Variants in XPR1 observed in about 807,000 individuals in gnomAD.
XPR1 encodes solute carrier family 53 member 1.
A neutral mutation model predicts 87.5 loss-of-function variants in XPR1; 28 were observed. The ratio of observed to expected loss-of-function variants is 0.32; its 90% CI spans 0.24 to 0.44. The LOEUF is 0.44. Among genes scored for constraint, XPR1 ranks in the 20% least tolerant of loss-of-function variants. XPR1 has a pLI of 1.00. For synonymous variants in XPR1, 300 were observed against 306.1 expected, an observed-to-expected ratio of 0.98 and a Z score of 0.21; for missense variants, 559 against 862.3, an observed-to-expected ratio of 0.65 and a Z score of 4.41.
At chr1:180,719,899 A>G (rs2101995688) in intron 2 of XPR1, among the ~76,000 whole-genome samples, 1 of 152,344 alleles carries the variant, frequency 6.6e-6, no homozygotes, top group African/African-American at 2.4e-5. Context: ...CTGGACTTAT[A>G]ACAGGATCTG....
intron 2 of XPR1, among the ~76,000 whole-genome samples, chr1:180,710,301 A>C (rs1221985988): frequency 1.3e-5 from 2 of 151,474 alleles, no homozygotes; most frequent in Non-Finnish European, 2.9e-5. Context: ...TCAGCAGATA[A>C]ACAAGTGAAC....
Position 180,836,547 on chromosome 1 carries a change from A to G in XPR1, c.1332A>G (p.Thr444=). 6.2e-7 allele frequency: 1 copy of G among 1,614,154 alleles called. No homozygotes were observed. The change falls in exon 11 of 15, where the codon ACA becomes ACG. Residue 444 remains threonine (T), a synonymous_variant. Transcript: ENST00000367590. ...AATCAGGAATTTGCCACAAATATAC[A>G]TATGGTGTGCGGGCCATTGTTCAGT... ...SEESGICHKY[T]YGVRAIVQCI... is the part of the protein sequence containing the mutation.
chr1:180,769,151 A>T (rs1201343315), intron 2 of XPR1, among the ~76,000 whole-genome samples: 1 of 152,032 alleles, frequency 6.6e-6, no homozygotes, highest in Non-Finnish European at 1.5e-5. Context: ...GTATATAGTT[A>T]TAGGGTACAT....
At chr1:180,741,134 G>GATCC (rs1042654874) in intron 2 of XPR1, among the ~76,000 whole-genome samples, 26 of 152,010 alleles carry the variant, frequency 1.7e-4, no homozygotes, top group African/African-American at 6.0e-4. Flanking sequence ...AATGTTGGTT[G>GATCC]ATCCCCTCCT....
intron 11 of XPR1, among the ~76,000 whole-genome samples, chr1:180,862,891 G>T (rs1411044446): frequency 6.6e-6 from 1 of 152,042 alleles, no homozygotes; most frequent in Non-Finnish European, 1.5e-5. Context: ...AGCACACCTA[G>T]AGACATTTCA....
At chr1:180,733,954 G>GT (rs1311980281) in intron 2 of XPR1, among the ~76,000 whole-genome samples, 3 of 152,150 alleles carry the variant, frequency 2.0e-5, no homozygotes, top group East Asian at 1.9e-4. Context: ...TTTAATTTTC[G>GT]TAACAATCCT....
Position 180,632,168 on chromosome 1 carries a change from T to G in XPR1, c.-34T>G. The G allele has an allele frequency of 6.3e-7, 1 of 1,591,846 alleles. No homozygotes were observed. The highest frequency in any genetic ancestry group is 8.5e-7 in the Non-Finnish European group (1 of 1,169,682). The stretch of plus-strand genomic sequence containing the variant: ...TGTTGCCGCCGCCGCCTGTAGCTGC[T>G]GGACCCGAGTGGGAGTGAGGGGGAA... On this transcript the variant is annotated 5_prime_UTR_variant, in exon 1 of 15. Transcript: ENST00000367590.
intron 3 of XPR1, among the ~76,000 whole-genome samples, chr1:180,798,136 A>T (rs777353233): frequency 1.3e-5 from 2 of 152,136 alleles, no homozygotes; most frequent in Non-Finnish European, 2.9e-5. Flanking sequence ...TACATAAAAA[A>T]TACAAAATTA....
intron 2 of XPR1, among the ~76,000 whole-genome samples, chr1:180,752,857 G>C (rs1557989981): frequency 2.0e-5 from 3 of 151,952 alleles, no homozygotes; most frequent in South Asian, 4.2e-4. Context: ...ATAAAGGTCA[G>C]GTTATTGATA....
chr1:180,757,422 CAG>C (rs1647789929), intron 2 of XPR1, among the ~76,000 whole-genome samples: 1 of 150,352 alleles, frequency 6.7e-6, no homozygotes, highest in Non-Finnish European at 1.5e-5. Context: ...TTGAATACAT[CAG>C]AAAAAAACTA....
intron 2 of XPR1, among the ~76,000 whole-genome samples, chr1:180,756,677 CAT>C (rs1192396717): frequency 6.6e-6 from 1 of 151,962 alleles, no homozygotes; most frequent in Admixed American, 6.6e-5. Flanking sequence ...CTTTTAATGT[CAT>C]ATGTAAGAGA....
chr1:180,810,504 G>C (rs1650168388), intron 6 of XPR1, among the ~76,000 whole-genome samples: 2 of 151,936 alleles, frequency 1.3e-5, no homozygotes, highest in Admixed American at 1.3e-4. Flanking sequence ...ACTTGAGTCT[G>C]GGAAGTTGAG....
In XPR1 at chr1:180,834,868, T is replaced by G; in HGVS notation, c.1135-6T>G. The G allele has an allele frequency of 6.3e-7, 1 of 1,588,468 alleles. No homozygotes were observed. The highest frequency in any genetic ancestry group is 1.9e-5 in the Admixed American group (1 of 53,454). ...TCTGTGTTTTCTGATTTTTTTTTTC[T>G]TTCAGTTTCGAGTATTTACAGCCCC... On this transcript the variant is annotated splice_polypyrimidine_tract_variant and splice_region_variant and intron_variant, in intron 9 of 14. Coordinates refer to ENST00000367590, the MANE Select transcript of XPR1 (RefSeq NM_004736.4).
intron 2 of XPR1, among the ~76,000 whole-genome samples, chr1:180,694,008 A>T (rs1371321787): frequency 6.6e-6 from 1 of 152,158 alleles, no homozygotes; most frequent in Non-Finnish European, 1.5e-5. Flanking sequence ...TCTAGGCTGT[A>T]GTGCAGTGGC....
In XPR1 at chr1:180,887,283, G is replaced by A. The variant is rs1653045020; in HGVS notation, c.*3217G>A. The stretch of plus-strand genomic sequence containing the variant: ...GTTTAGAAATTCTAGTTTTATTTTG[G>A]AGAATCACTCAGTTTTTAATATCAA... On this transcript the variant is annotated 3_prime_UTR_variant, in exon 15 of 15. Transcript: ENST00000367590. 6.6e-6 allele frequency: 1 copy of A among 152,180 alleles called. No individual in the cohort carries two copies. Among genetic ancestry groups the A allele is most frequent in the Non-Finnish European group, 1.5e-5 (1 of 68,038 alleles). 9.4% of individuals were successfully genotyped at this position (152,180 alleles called of 1,614,324 possible). A position where few individuals can be genotyped will look rare whatever the true frequency, so the allele number is the denominator to read the frequency against.
At chr1:180,809,709 G>A (rs1360836541) in intron 6 of XPR1, among the ~76,000 whole-genome samples, 1 of 152,070 alleles carries the variant, frequency 6.6e-6, no homozygotes, top group Non-Finnish European at 1.5e-5. Flanking sequence ...GAGGAATAGG[G>A]AATTCAAAGT....
chr1:180,678,511 T>A (rs1197457008), intron 1 of XPR1, among the ~76,000 whole-genome samples: 2 of 152,244 alleles, frequency 1.3e-5, no homozygotes, highest in Non-Finnish European at 2.9e-5. Flanking sequence ...CTCAGTTGCA[T>A]TATTGTATTG....
At chr1:180,719,449 T>A (rs1219718885) in intron 2 of XPR1, among the ~76,000 whole-genome samples, 1 of 152,206 alleles carries the variant, frequency 6.6e-6, no homozygotes, top group African/African-American at 2.4e-5. Context: ...GCATTGGACA[T>A]GTTGGGGCTT....
intron 2 of XPR1, among the ~76,000 whole-genome samples, chr1:180,755,023 G>C (rs999755514): frequency 2.6e-5 from 4 of 152,156 alleles, no homozygotes; most frequent in African/African-American, 9.7e-5. Context: ...TGGGAACCAG[G>C]TTTCTAACTT....
Sources: gnomAD v4.1 joint callset for allele counts (sites outside exome capture counted in the v4.1 genomes callset) on GRCh38, gnomAD v4.1.1 for gene constraint, MANE v1.5 for transcripts, NCBI Gene and HGNC (gene_info 2026-07-23, HGNC 2026-07-21) for gene names.